The following SPRYD7 variants were observed in gnomAD, a reference collection of about 807,000 sequenced individuals.
SPRYD7 encodes the protein SPRY domain containing 7, also known as SPRY domain-containing protein 7.
Under a neutral mutation model 23.8 loss-of-function variants are expected in SPRYD7, and 14 were observed. The observed-to-expected ratio is 0.59, with a 90% confidence interval of 0.39 to 0.92. The LOEUF is 0.92. Ranked by LOEUF, SPRYD7 falls within the 40% of genes least tolerant of loss-of-function variation. The pLI, the probability that SPRYD7 is intolerant of heterozygous loss-of-function variation, is 0.00. For synonymous variants in SPRYD7, 75 were observed against 84.9 expected, an observed-to-expected ratio of 0.88 and a Z score of 0.64; for missense variants, 194 against 241.7, an observed-to-expected ratio of 0.80 and a Z score of 1.31.
rs939143816 is a variant in SPRYD7 at position 49,928,041 on chromosome 13, G to A, written c.268C>T (p.Gln90Ter). ...TGCATATCTCGGCCAAGAGGAATCT[G>A]ATTCAAGTTAACCTTCTGAGTTGCA... ...GVATQKVNLN[Q>*]IPLGRDMHSL... The change falls in exon 3 of 5, where the codon CAG (glutamine) becomes TAG (stop). Residue 90 changes from glutamine to a stop codon, truncating the protein, a stop_gained. Coordinates refer to ENST00000361840, the MANE Select transcript of SPRYD7 (RefSeq NM_020456.4). LOFTEE classifies it high-confidence loss of function. 1.2e-6 allele frequency: 2 copies of A among 1,614,078 alleles called. No individual in the cohort carries two copies. The highest frequency in any genetic ancestry group is 3.3e-5 in the Admixed American group (2 of 60,012).
intron 3 of SPRYD7, among the ~76,000 whole-genome samples, chr13:49,925,530 G>A (rs940071355): frequency 2.0e-5 from 3 of 152,078 alleles, no homozygotes; most frequent in African/African-American, 7.2e-5. Flanking sequence ...GGAGAAAGTA[G>A]GCCGGGCACG....
chr13:49,929,845 A>T (rs1955927614), intron 2 of SPRYD7, among the ~76,000 whole-genome samples: 2 of 150,758 alleles, frequency 1.3e-5, no homozygotes, highest in Admixed American at 6.6e-5. Flanking sequence ...GCTGCAGTGC[A>T]GTGGCATAAT....
chr13:49,927,821 G>A, intron 3 of SPRYD7, 98 bp downstream of exon 3: 1 of 1,320,916 alleles, frequency 7.6e-7, no homozygotes. Flanking sequence ...CCACTGCTTT[G>A]GAATTCAAAC....
intron 1 of SPRYD7, among the ~76,000 whole-genome samples, chr13:49,934,737 CAG>C (rs1479942576): frequency 2.0e-5 from 3 of 151,958 alleles, no homozygotes; most frequent in African/African-American, 4.8e-5. Context: ...AAACAGATGA[CAG>C]AGAAAAGGAA....
chr13:49,913,877 T>C lies in SPRYD7; in HGVS notation c.*1186A>G, dbSNP rs944308400. 2 of 152,220 alleles carry C rather than the reference T, an allele frequency of 1.3e-5. No individual in the cohort carries two copies. Among genetic ancestry groups the C allele is most frequent in the African/African-American group, 4.8e-5 (2 of 41,458 alleles). 9.4% of individuals were successfully genotyped at this position (152,220 alleles called of 1,614,324 possible). On this transcript the variant is annotated 3_prime_UTR_variant, in exon 5 of 5. Coordinates refer to ENST00000361840, the MANE Select transcript of SPRYD7 (RefSeq NM_020456.4). ...ATATATGTATTACCTTATTTAATCA[T>C]AGAATCTTATGTCAGTATGATTGCT... is the stretch of plus-strand genomic sequence containing the variant.
intron 4 of SPRYD7, among the ~76,000 whole-genome samples, chr13:49,917,842 C>T (rs1955769648): frequency 6.6e-6 from 1 of 152,114 alleles, no homozygotes; most frequent in Admixed American, 6.5e-5. Flanking sequence ...CAATATGCAA[C>T]ACTAAATTGA....
chr13:49,917,655 T>G (rs1955767921), intron 4 of SPRYD7, among the ~76,000 whole-genome samples: 2 of 152,222 alleles, frequency 1.3e-5, no homozygotes, highest in Non-Finnish European at 2.9e-5. Flanking sequence ...CCTTAGTACA[T>G]TACAAATAAT....
In SPRYD7 at chr13:49,917,363, A is replaced by G. The variant is rs536298583; in HGVS notation, c.494-2203T>C. On this transcript the variant is annotated intron_variant, in intron 4 of 4. Transcript: ENST00000361840. ...CGTGATCCGCCTGCCTCAGCCTCCC[A>G]AAGTGCTGGGATTACAGGCGTGAGC... Among the ~76,000 whole-genome samples the G allele has an allele frequency of 2.7e-4, 41 of 152,278 alleles. No homozygotes were observed. In the East Asian group the frequency reaches 7.3e-3, roughly 27 times the overall value.
chr13:49,920,944 G>A (rs564200310), intron 4 of SPRYD7, among the ~76,000 whole-genome samples: 89 of 152,230 alleles, frequency 5.8e-4, no homozygotes, highest in Admixed American at 1.3e-3. Context: ...CTGGGTGACA[G>A]AGTGACACTC....
At chr13:49,917,249 A>C (rs974794869) in intron 4 of SPRYD7, among the ~76,000 whole-genome samples, 1 of 151,970 alleles carries the variant, frequency 6.6e-6, no homozygotes, top group Admixed American at 6.6e-5. Context: ...GACCACAGGC[A>C]CCCGCCACCA....
At position 49,912,761 on chromosome 13, in the gene SPRYD7, A is replaced by G. The variant is rs1339760037; in HGVS notation, c.*2302T>C. ...TTCCCAAGTAAGCACATTCTTTACA[A>G]ATTAAAATTATGATAGAAAGCCAGA... On this transcript the variant is annotated 3_prime_UTR_variant, in exon 5 of 5. Transcript: ENST00000361840. 1 of 152,244 alleles carries G rather than the reference A, an allele frequency of 6.6e-6. No individual in the cohort carries two copies. Among genetic ancestry groups the G allele is most frequent in the African/African-American group, 2.4e-5 (1 of 41,466 alleles). The allele number at this position is 152,244 out of a possible 1,614,324, so 9.4% of individuals were successfully genotyped here.
At position 49,913,507 on chromosome 13, in the gene SPRYD7, A is replaced by G. The variant is rs1260737770; in HGVS notation, c.*1556T>C. The G allele has an allele frequency of 4.6e-5, 7 of 150,858 alleles. No homozygotes were observed. The highest frequency in any genetic ancestry group is 1.0e-4 in the Non-Finnish European group (7 of 67,794). 9.3% of individuals were successfully genotyped at this position (150,858 alleles called of 1,614,324 possible). ...AGGAAACTACACTTACTAAGTGCCT[A>G]TGATTTTTATTTTATTTTATTTTAA... is the stretch of plus-strand genomic sequence containing the variant. On this transcript the variant is annotated 3_prime_UTR_variant, in exon 5 of 5. Transcript: ENST00000361840.
chr13:49,932,020 C>G (rs1445339057), intron 1 of SPRYD7, among the ~76,000 whole-genome samples: 1 of 152,206 alleles, frequency 6.6e-6, no homozygotes, highest in Non-Finnish European at 1.5e-5. Flanking sequence ...TAGAAATAGA[C>G]TAACTCTTTT....
intron 1 of SPRYD7, 52 bp from the exon 2 acceptor site, chr13:49,931,186 CTTTT>C: frequency 7.7e-7 from 1 of 1,293,926 alleles, no homozygotes; most frequent in Non-Finnish European, 1.1e-6. Context: ...CTTTTCTTTT[CTTTT>C]CTTTTTTGAG....
chr13:49,915,185 A>G (rs1445142004), intron 4 of SPRYD7, 25 bp from the exon 5 acceptor site: 2 of 1,164,602 alleles, frequency 1.7e-6, no homozygotes, highest in African/African-American at 3.1e-5. Flanking sequence ...AAGAAAGAAA[A>G]TAAATTAGAA....
chr13:49,916,132 C>G (rs1365198933), intron 4 of SPRYD7, among the ~76,000 whole-genome samples: 8 of 152,034 alleles, frequency 5.3e-5, no homozygotes, highest in Non-Finnish European at 7.4e-5. Flanking sequence ...GATGACAAAA[C>G]AAAACATGAC....
chr13:49,915,230 A>G (rs1685471005), intron 4 of SPRYD7, 70 bp from the exon 5 acceptor site: 2 of 648,998 alleles, frequency 3.1e-6, no homozygotes, highest in East Asian at 3.1e-5. Flanking sequence ...ACATAATTAT[A>G]AAATAAAATA....
At chr13:49,934,573 A>AG (rs1362312918) in intron 1 of SPRYD7, among the ~76,000 whole-genome samples, 12 of 143,040 alleles carry the variant, frequency 8.4e-5, no homozygotes, top group African/African-American at 2.7e-4. Context: ...AAAAAAAAAA[A>AG]AAAAGAAAAG....
At chr13:49,930,318 A>G (rs1955932776) in intron 2 of SPRYD7, among the ~76,000 whole-genome samples, 1 of 151,432 alleles carries the variant, frequency 6.6e-6, no homozygotes, top group African/African-American at 2.4e-5. Context: ...ACTCTGGCTC[A>G]TGCCTGTAAT....
Sources: allele counts gnomAD v4.1 joint callset (sites outside exome capture counted in the v4.1 genomes callset), GRCh38; gene constraint gnomAD v4.1.1; transcripts MANE v1.5; gene names NCBI Gene and HGNC (gene_info 2026-07-23, HGNC 2026-07-21).